Variants in CCDC85C observed in about 807,000 individuals in gnomAD.
CCDC85C encodes coiled-coil domain containing 85C.
CCDC85C carries 18 observed loss-of-function variants against 38.3 expected under a neutral mutation model. The observed-to-expected ratio is 0.47, with a 90% CI of 0.33 to 0.70. CCDC85C has a LOEUF of 0.70. Ranked by LOEUF, CCDC85C falls within the 30% of genes least tolerant of loss-of-function variation. The pLI is 0.03. For synonymous variants in CCDC85C, 264 were observed against 293.8 expected (o/e 0.90, Z 1.04); for missense variants, 566 against 621.2 (o/e 0.91, Z 0.94).
chr14:99,601,632 C>G (rs904015160), intron 1 of CCDC85C, among the ~76,000 whole-genome samples: 1 of 152,128 alleles, frequency 6.6e-6, no homozygotes, highest in Non-Finnish European at 1.5e-5. Flanking sequence ...CTCAAAAGCC[C>G]CCAGGACGGC....
rs10220460 is a variant in CCDC85C, at chr14:99,520,468, T to C, written c.975+1665A>G. The stretch of plus-strand genomic sequence containing the variant: ...GGCCCCTGCACCTCAGTTCATCCCA[T>C]TCCTGGGGGCCTGCCCGCCGACCAG... On this transcript the variant is annotated intron_variant, in intron 3 of 5. Coordinates refer to ENST00000380243, the MANE Select transcript of CCDC85C (RefSeq NM_001144995.2). The surrounding 1 kb of genome is among the most constrained non-coding windows in gnomAD (Gnocchi z 4.1). 0.65 allele frequency among the ~76,000 whole-genome samples: 4,914 copies of C among 7,530 alleles called. 1,793 individuals carry two copies. Among genetic ancestry groups the C allele is most frequent in the African/African-American group, 0.73 (4,156 of 5,658 alleles). 4.9% of individuals were successfully genotyped at this position (7,530 alleles called of 152,430 possible). A position where few individuals can be genotyped will look rare whatever the true frequency, so the allele number is the denominator to read the frequency against.
At chr14:99,586,591 G>A (rs1355731013) in intron 1 of CCDC85C, among the ~76,000 whole-genome samples, 3 of 152,220 alleles carry the variant, frequency 2.0e-5, no homozygotes, top group African/African-American at 7.2e-5. Flanking sequence ...CAACACTCAG[G>A]CAGCCCCGAG....
intron 1 of CCDC85C, among the ~76,000 whole-genome samples, chr14:99,591,493 G>A (rs1321735275): frequency 6.6e-6 from 1 of 152,234 alleles, no homozygotes; most frequent in African/African-American, 2.4e-5. Context: ...CCCACATCCT[G>A]TAGTCCAGCC....
chr14:99,552,820 G>T (rs1305487036), intron 1 of CCDC85C, among the ~76,000 whole-genome samples: 3 of 152,224 alleles, frequency 2.0e-5, no homozygotes, highest in Non-Finnish European at 4.4e-5. Flanking sequence ...GGGGCTCAAG[G>T]GTCACCTGCT....
chr14:99,503,613 T>G lies in CCDC85C; in HGVS notation c.*11633A>C. On this transcript the variant is annotated 3_prime_UTR_variant, in exon 6 of 6. Coordinates refer to ENST00000380243, the MANE Select transcript of CCDC85C (RefSeq NM_001144995.2). ...TTGTGTATTTTCTTTTGTAACAGGT[T>G]GTTTCTCCCAAAGAAGAGAACAAAG... is the stretch of plus-strand genomic sequence containing the variant. The G allele has an allele frequency of 6.4e-7, 1 of 1,559,508 alleles. No homozygotes were observed. The highest frequency in any genetic ancestry group is 1.2e-5 in the South Asian group (1 of 84,402).
chr14:99,587,379 G>T (rs1353866981), intron 1 of CCDC85C, among the ~76,000 whole-genome samples: 2 of 152,248 alleles, frequency 1.3e-5, no homozygotes. Context: ...TAAAGTTAAT[G>T]GTCAGAGCTA....
At position 99,585,341 on chromosome 14, in the gene CCDC85C, G is replaced by A. The variant is rs1052693809; in HGVS notation, c.793+17826C>T. On this transcript the variant is annotated intron_variant, in intron 1 of 5. Coordinates refer to ENST00000380243, the MANE Select transcript of CCDC85C (RefSeq NM_001144995.2). ...GGGAAAGACTGCTTTTATGTGGAGAGAGCACAGAGAGGTGGTGTGGGCAGG... is the reference window on the plus strand; with the variant it reads ...GGGAAAGACTGCTTTTATGTGGAGAAAGCACAGAGAGGTGGTGTGGGCAGG... Among the ~76,000 whole-genome samples, 29 of 152,238 alleles carry A rather than the reference G, an allele frequency of 1.9e-4. No individual in the cohort carries two copies. In the East Asian group the frequency reaches 4.2e-3, roughly 22 times the overall value.
intron 2 of CCDC85C, among the ~76,000 whole-genome samples, chr14:99,525,107 G>A (rs1290540582): frequency 6.6e-6 from 1 of 152,214 alleles, no homozygotes; most frequent in Admixed American, 6.5e-5. Flanking sequence ...CCAGGAGGTT[G>A]CAGGGCCTCC....
Position 99,501,025 on chromosome 14 carries a change from T to A in CCDC85C, c.*14221A>T. The A allele has an allele frequency of 1.6e-6, 1 of 624,058 alleles. No homozygotes were observed. Among genetic ancestry groups the A allele is most frequent in the East Asian group, 2.8e-5 (1 of 35,610 alleles). The allele number at this position is 624,058 out of a possible 1,614,324, so 38.7% of individuals were successfully genotyped here. A position where few individuals can be genotyped will look rare whatever the true frequency, so the allele number is the denominator to read the frequency against. On this transcript the variant is annotated 3_prime_UTR_variant, in exon 6 of 6. Transcript: ENST00000380243. ...TGCTCAGTCAATTCAGCATTGCAGC[T>A]GCTAATGCTGTTTCCTTTTATGTAT...
At chr14:99,525,288 C>A (rs1897362427) in intron 2 of CCDC85C, among the ~76,000 whole-genome samples, 1 of 152,192 alleles carries the variant, frequency 6.6e-6, no homozygotes, top group Non-Finnish European at 1.5e-5. Context: ...GAGGGGAACC[C>A]CGTCCTGCAG....
rs750114429 is a variant in CCDC85C at position 99,507,537 on chromosome 14, G to A, written c.*7709C>T. 38 of 187,002 alleles carry A rather than the reference G, an allele frequency of 2.0e-4. No individual in the cohort carries two copies. In the Middle Eastern group the frequency reaches 9.8e-3, roughly 48 times the overall value. The allele number at this position is 187,002 out of a possible 1,614,324, so 11.6% of individuals were successfully genotyped here. A position where few individuals can be genotyped will look rare whatever the true frequency, so the allele number is the denominator to read the frequency against. ...GCTATGATTGCACCACCGTACTCCA[G>A]CCTGGGTGAGAGGGAGACCGTGTCT... On this transcript the variant is annotated 3_prime_UTR_variant, in exon 6 of 6. Transcript: ENST00000380243.
intron 1 of CCDC85C, among the ~76,000 whole-genome samples, chr14:99,542,155 TC>T (rs1454432671): frequency 5.9e-5 from 9 of 152,240 alleles, no homozygotes; most frequent in African/African-American, 1.9e-4. Flanking sequence ...GCTGATTAAA[TC>T]CCCTTCTCCT....
At position 99,591,247 on chromosome 14, in the gene CCDC85C, T is replaced by C. The variant is rs1595106179; in HGVS notation, c.793+11920A>G. ...CAAGGTGCTGGCGGCTGGGAACCAG[T>C]TGGCTGGGTTCTGCCGGGGAGACCC... On this transcript the variant is annotated intron_variant, in intron 1 of 5. Transcript: ENST00000380243. Among the ~76,000 whole-genome samples, 3 of 152,366 alleles carry C rather than the reference T, an allele frequency of 2.0e-5. No individual in the cohort carries two copies. The South Asian group carries it at 6.2e-4, about 32-fold the overall frequency.
At chr14:99,577,607 A>G (rs76640421) in intron 1 of CCDC85C, among the ~76,000 whole-genome samples, 10,568 of 151,954 alleles carry the variant, frequency 0.07, 558 homozygotes, top group South Asian at 0.16. Flanking sequence ...GAAGGAGTGA[A>G]GTGTGTGTCT....
rs1341856449 is a variant in CCDC85C, at chr14:99,505,772, A to G, written c.*9474T>C. 1 of 152,232 alleles carries G rather than the reference A, an allele frequency of 6.6e-6. No individual in the cohort carries two copies. The highest frequency in any genetic ancestry group is 1.9e-4 in the East Asian group (1 of 5,182). 9.4% of individuals were successfully genotyped at this position (152,232 alleles called of 1,614,324 possible). On this transcript the variant is annotated 3_prime_UTR_variant, in exon 6 of 6. Transcript: ENST00000380243. ...CTTGGGAGACTCAGGCAGCAAGATC[A>G]CTTGAGCCTGGTTGGTTGAAGCTGC...
chr14:99,546,692 G>A (rs569004497), intron 1 of CCDC85C, among the ~76,000 whole-genome samples: 1 of 152,266 alleles, frequency 6.6e-6, no homozygotes, highest in Admixed American at 6.5e-5. Flanking sequence ...GAGGCAAGGT[G>A]GAGCCCAGAA....
Position 99,502,054 on chromosome 14 carries a change from A to C in CCDC85C, c.*13192T>G. 1 of 789,292 alleles carries C rather than the reference A, an allele frequency of 1.3e-6. No homozygotes were observed. Among genetic ancestry groups the C allele is most frequent in the Non-Finnish European group, 1.8e-6 (1 of 553,540 alleles). The allele number at this position is 789,292 out of a possible 1,614,324, so 48.9% of individuals were successfully genotyped here. ...AGTAACTTAGTCGGGTACCTTTAGA[A>C]GAGTAAAGACTTGAGTTTATTTATT... On this transcript the variant is annotated 3_prime_UTR_variant, in exon 6 of 6. Transcript: ENST00000380243.
intron 2 of CCDC85C, among the ~76,000 whole-genome samples, chr14:99,523,879 T>G (rs55898525): frequency 6.6e-6 from 1 of 151,994 alleles, no homozygotes; most frequent in African/African-American, 2.4e-5. Flanking sequence ...CTAGGTTAAC[T>G]AGAGGCACTC....
intron 2 of CCDC85C, chr14:99,534,518 C>A: frequency 1.6e-6 from 1 of 640,884 alleles, no homozygotes; most frequent in South Asian, 1.7e-5. Context: ...GCCACCAGAG[C>A]ATGGTCCTGG....
Sources: gnomAD v4.1 joint callset for allele counts (sites outside exome capture counted in the v4.1 genomes callset) on GRCh38, gnomAD v4.1.1 for gene constraint, Gnocchi (gnomAD v3.1) non-coding constraint, MANE v1.5 for transcripts, NCBI Gene and HGNC (gene_info 2026-07-23, HGNC 2026-07-21) for gene names.